TMEM26: variants seen among roughly 807,000 people sequenced by gnomAD.
TMEM26 encodes transmembrane protein 26.
Under a neutral mutation model 28.8 loss-of-function variants are expected in TMEM26, and 38 were observed. The ratio of observed to expected loss-of-function variants is 1.32; its 90% CI spans 1.02 to 1.73. The LOEUF (loss-of-function observed/expected upper bound fraction) is 1.73. Among genes scored for constraint, TMEM26 ranks in the 40% most tolerant of loss-of-function variants. The pLI is 0.00. For missense variants in TMEM26, 518 were observed against 447.1 expected, an observed-to-expected ratio of 1.16 and a Z score of -1.43; for synonymous variants, 227 against 182.9, an observed-to-expected ratio of 1.24 and a Z score of -1.95.
chr10:61,415,528 G>A (rs942733237), intron 4 of TMEM26, among the ~76,000 whole-genome samples: 6 of 151,998 alleles, frequency 3.9e-5, no homozygotes, highest in Admixed American at 6.6e-5. Context: ...TCTCACACCA[G>A]CTCAACAAAG....
intron 5 of TMEM26, among the ~76,000 whole-genome samples, chr10:61,413,226 T>G (rs573640056): frequency 9.9e-5 from 15 of 152,080 alleles, no homozygotes; most frequent in Non-Finnish European, 1.8e-4. Context: ...CTATTTGAAG[T>G]AAATATAACA....
chr10:61,449,556 AT>A (rs1370785254), intron 1 of TMEM26, among the ~76,000 whole-genome samples: 1 of 152,158 alleles, frequency 6.6e-6, no homozygotes, highest in Non-Finnish European at 1.5e-5. Flanking sequence ...TTGTTCCACA[AT>A]TTCTGTAGAT....
chr10:61,425,238 C>T (rs1236239660), intron 4 of TMEM26, among the ~76,000 whole-genome samples: 1 of 152,128 alleles, frequency 6.6e-6, no homozygotes, highest in East Asian at 1.9e-4. Flanking sequence ...GCAGGAAAGA[C>T]CTGCTCCCGT....
intron 1 of TMEM26, among the ~76,000 whole-genome samples, chr10:61,447,650 A>G (rs1227708168): frequency 1.3e-5 from 2 of 152,218 alleles, no homozygotes; most frequent in Non-Finnish European, 2.9e-5. Context: ...TGGAATAATA[A>G]GAAAAGGGGA....
chr10:61,421,810 T>C (rs972902161), intron 4 of TMEM26, among the ~76,000 whole-genome samples: 3 of 152,142 alleles, frequency 2.0e-5, no homozygotes, highest in Non-Finnish European at 4.4e-5. Context: ...ACCATGTTTG[T>C]GGTATTTTGC....
At chr10:61,410,835 G>T in intron 5 of TMEM26, 89 bp from the exon 6 acceptor site, 4 of 1,212,584 alleles carry the variant, frequency 3.3e-6, no homozygotes, top group Non-Finnish European at 3.5e-6. Flanking sequence ...TAACAATGGG[G>T]ACTGTGCTAG....
rs1402659470 is a variant in TMEM26 at position 61,453,055 on chromosome 10, G to A, written c.27C>T (p.Ala9=). ...GCAGGAACAGCAACCGAGTGGCCAG[G>A]GCGTTAAGGAAGACCAGTCCCTCCA... MEGLVFLN[A]LATRLLFLLH... The change falls in exon 1 of 6, where the codon GCC becomes GCT. Residue 9 remains alanine, a synonymous_variant. Coordinates refer to ENST00000399298, the MANE Select transcript of TMEM26 (RefSeq NM_178505.8). 1.2e-6 allele frequency: 2 copies of A among 1,613,566 alleles called. No individual in the cohort carries two copies. Among genetic ancestry groups the A allele is most frequent in the South Asian group, 2.2e-5 (2 of 91,084 alleles).
intron 1 of TMEM26, among the ~76,000 whole-genome samples, chr10:61,450,730 T>C (rs1287120929): frequency 6.6e-6 from 1 of 152,152 alleles, no homozygotes; most frequent in African/African-American, 2.4e-5. Context: ...ATGCACAATA[T>C]ATATAATGGG....
At chr10:61,425,722 T>C (rs1839820712) in intron 4 of TMEM26, among the ~76,000 whole-genome samples, 1 of 152,092 alleles carries the variant, frequency 6.6e-6, no homozygotes, top group Non-Finnish European at 1.5e-5. Context: ...GAGCTGCAAA[T>C]TAATGTCCTG....
chr10:61,437,359 A>G (rs908935075), intron 1 of TMEM26, among the ~76,000 whole-genome samples: 1 of 152,232 alleles, frequency 6.6e-6, no homozygotes, highest in East Asian at 1.9e-4. Context: ...TACTTCCCGT[A>G]AAGCAGTGCC....
intron 4 of TMEM26, among the ~76,000 whole-genome samples, chr10:61,420,540 G>T (rs1020867348): frequency 1.3e-5 from 2 of 152,002 alleles, no homozygotes; most frequent in African/African-American, 4.8e-5. Flanking sequence ...TTATATATTT[G>T]TATATATATG....
chr10:61,413,749 A>G, intron 4 of TMEM26: 3 of 1,237,396 alleles, frequency 2.4e-6, no homozygotes, highest in Non-Finnish European at 3.0e-6. Flanking sequence ...AGCCCAACAT[A>G]TGCATGAATT....
chr10:61,439,961 C>T lies in TMEM26; in HGVS notation c.192-3713G>A, dbSNP rs12573326. Among the ~76,000 whole-genome samples the T allele has an allele frequency of 6.5e-3, 995 of 152,116 alleles. 30 individuals are homozygous for T. Among genetic ancestry groups the T allele is most frequent in the East Asian group, 0.062 (320 of 5,170 alleles). Reference sequence around the variant, plus strand: ...TCTCAAAACTAAACCTATATAAGGCCGTGCACAGTGCCTCATGCCTGTAAT... The same window carrying T: ...TCTCAAAACTAAACCTATATAAGGCTGTGCACAGTGCCTCATGCCTGTAAT... On this transcript the variant is annotated intron_variant, in intron 1 of 5. Transcript: ENST00000399298.
Position 61,407,107 on chromosome 10 carries a change from C to T in TMEM26, c.*3215G>A, listed in dbSNP as rs1839506888. ...GGACAGATGCCTGGCATTTGCAATT[C>T]TTTCTCTCCTGTAACAGGAAAAGTT... On this transcript the variant is annotated 3_prime_UTR_variant, in exon 6 of 6. Transcript: ENST00000399298. 1 of 152,050 alleles carries T rather than the reference C, an allele frequency of 6.6e-6. No homozygotes were observed. Among genetic ancestry groups the T allele is most frequent in the South Asian group, 2.1e-4 (1 of 4,830 alleles). 9.4% of individuals were successfully genotyped at this position (152,050 alleles called of 1,614,324 possible).
intron 1 of TMEM26, among the ~76,000 whole-genome samples, chr10:61,441,407 CATTA>C (rs1840090830): frequency 6.6e-6 from 1 of 152,082 alleles, no homozygotes; most frequent in Non-Finnish European, 1.5e-5. Context: ...ATATCTTTGC[CATTA>C]ATTACTATTT....
intron 4 of TMEM26, among the ~76,000 whole-genome samples, chr10:61,417,830 G>A (rs1053712667): frequency 6.6e-6 from 1 of 151,996 alleles, no homozygotes; most frequent in African/African-American, 2.4e-5. Flanking sequence ...TGAAAATGTT[G>A]GAAGGTGGCT....
Position 61,424,362 on chromosome 10 carries a change from G to A in TMEM26, c.605+4564C>T, listed in dbSNP as rs117996706. 9.1e-4 allele frequency among the ~76,000 whole-genome samples: 139 copies of A among 152,170 alleles called. 3 individuals carry two copies. The East Asian group carries it at 0.02, about 22-fold the overall frequency. On this transcript the variant is annotated intron_variant, in intron 4 of 5. Coordinates refer to ENST00000399298, the MANE Select transcript of TMEM26 (RefSeq NM_178505.8). ...GAAATAGTTAAGAAAAGCAGTACAA[G>A]CCTTGCACTCTGAAAATTACAAAAC...
chr10:61,410,291 G>T lies in TMEM26; in HGVS notation c.*31C>A. ...CCTGTAAGAAGAACCAGGGAGTCAGGTTCTAGCCGCAGACCACTGTCAATC... is the reference window on the plus strand; with the variant it reads ...CCTGTAAGAAGAACCAGGGAGTCAGTTTCTAGCCGCAGACCACTGTCAATC... On this transcript the variant is annotated 3_prime_UTR_variant, in exon 6 of 6. Coordinates refer to ENST00000399298, the MANE Select transcript of TMEM26 (RefSeq NM_178505.8). The T allele has an allele frequency of 1.9e-6, 3 of 1,573,114 alleles. No homozygotes were observed. The highest frequency in any genetic ancestry group is 2.6e-6 in the Non-Finnish European group (3 of 1,157,944).
intron 1 of TMEM26, among the ~76,000 whole-genome samples, chr10:61,443,384 G>C (rs1178570661): frequency 4.6e-5 from 7 of 151,786 alleles, no homozygotes; most frequent in Non-Finnish European, 7.4e-5. Flanking sequence ...AGAATGGTGT[G>C]AACCTGGGAG....
Sources: gnomAD v4.1 joint callset for allele counts (sites outside exome capture counted in the v4.1 genomes callset) on GRCh38, gnomAD v4.1.1 for gene constraint, MANE v1.5 for transcripts, NCBI Gene and HGNC (gene_info 2026-07-23, HGNC 2026-07-21) for gene names.